Variants in CPNE8 observed in about 807,000 individuals in gnomAD.
CPNE8 encodes copine-8.
A neutral mutation model predicts 81.5 loss-of-function variants in CPNE8; 45 were observed. That is an observed-to-expected ratio of 0.55 (90% confidence interval 0.44 to 0.71). CPNE8 has a LOEUF of 0.71. CPNE8 is among the 30% of genes least tolerant of loss of function. CPNE8 has a pLI of 0.00. For missense variants in CPNE8, 594 were observed against 672.1 expected (o/e 0.88, Z 1.28); for synonymous variants, 252 against 226.3 (o/e 1.11, Z -1.02).
intron 1 of CPNE8, among the ~76,000 whole-genome samples, chr12:38,883,022 A>G (rs1051899246): frequency 2.0e-5 from 3 of 152,174 alleles, no homozygotes; most frequent in Non-Finnish European, 4.4e-5. Context: ...CACACTCAAC[A>G]AGAATCTGTA....
chr12:38,700,865 A>G (rs1484257492), intron 14 of CPNE8, among the ~76,000 whole-genome samples: 1 of 152,184 alleles, frequency 6.6e-6, no homozygotes, highest in Non-Finnish European at 1.5e-5. Flanking sequence ...CTTGCCTGCC[A>G]CCATGTAAGA....
At chr12:38,881,170 A>G (rs1565660563) in intron 1 of CPNE8, among the ~76,000 whole-genome samples, 1 of 150,988 alleles carries the variant, frequency 6.6e-6, no homozygotes, top group Non-Finnish European at 1.5e-5. Flanking sequence ...AGATCGCACC[A>G]CTGCACTCCA....
intron 10 of CPNE8, among the ~76,000 whole-genome samples, chr12:38,744,911 T>C (rs1226528334): frequency 1.3e-5 from 2 of 152,254 alleles, no homozygotes; most frequent in Non-Finnish European, 2.9e-5. Flanking sequence ...ATATAGGTTT[T>C]CATTACTCTC....
intron 19 of CPNE8, among the ~76,000 whole-genome samples, chr12:38,656,922 A>G (rs1217150545): frequency 6.6e-6 from 1 of 152,156 alleles, no homozygotes; most frequent in Non-Finnish European, 1.5e-5. Context: ...AAGATGGCCG[A>G]ATAGGAACAG....
chr12:38,656,691 T>TCCA (rs1158164717), intron 19 of CPNE8, among the ~76,000 whole-genome samples: 1 of 152,188 alleles, frequency 6.6e-6, no homozygotes, highest in Non-Finnish European at 1.5e-5. Flanking sequence ...CATGGCAAAT[T>TCCA]CCACCAAACT....
In CPNE8 at chr12:38,829,472, G is replaced by A; in HGVS notation, c.331-17C>T. ...CAGAAAGTCCTGAAATAGATAAAAA[G>A]ATTAAAGCTCATAAGTTTCCAAACT... On this transcript the variant is annotated splice_polypyrimidine_tract_variant and intron_variant, in intron 5 of 19. Coordinates refer to ENST00000331366, the MANE Select transcript of CPNE8 (RefSeq NM_153634.3). The A allele has an allele frequency of 6.4e-7, 1 of 1,569,994 alleles. No individual in the cohort carries two copies. The highest frequency in any genetic ancestry group is 8.8e-7 in the Non-Finnish European group (1 of 1,140,408).
At position 38,679,098 on chromosome 12, in the gene CPNE8, T is replaced by C. The variant is rs140902271; in HGVS notation, c.1272-1544A>G. 1.2e-3 allele frequency among the ~76,000 whole-genome samples: 190 copies of C among 152,018 alleles called. 4 individuals are homozygous for C. Among genetic ancestry groups the C allele is most frequent in the Admixed American group, 0.012 (182 of 15,258 alleles). Reference sequence around the variant, plus strand: ...TACTATGATTCAGAAAGATAGGGTTTTATATTTCATGAGAATAATGAAAGA... The same window carrying C: ...TACTATGATTCAGAAAGATAGGGTTCTATATTTCATGAGAATAATGAAAGA... On this transcript the variant is annotated intron_variant, in intron 16 of 19. Coordinates refer to ENST00000331366, the MANE Select transcript of CPNE8 (RefSeq NM_153634.3).
At chr12:38,879,854 AC>A (rs1009893283) in intron 1 of CPNE8, among the ~76,000 whole-genome samples, 13 of 152,180 alleles carry the variant, frequency 8.5e-5, no homozygotes, top group Admixed American at 2.0e-4. Flanking sequence ...ATAAAAAAAA[AC>A]ATACAAGATA....
intron 6 of CPNE8, among the ~76,000 whole-genome samples, chr12:38,816,355 G>A (rs900652026): frequency 7.2e-5 from 11 of 152,122 alleles, no homozygotes; most frequent in African/African-American, 2.7e-4. Flanking sequence ...TTCTTTTGAA[G>A]TCTCTTTACA....
intron 15 of CPNE8, among the ~76,000 whole-genome samples, chr12:38,688,472 A>C (rs1939590963): frequency 6.6e-6 from 1 of 152,162 alleles, no homozygotes; most frequent in Non-Finnish European, 1.5e-5. Flanking sequence ...AGAAAGTTGT[A>C]ATGAGTTATA....
At chr12:38,819,640 G>T (rs367659853) in intron 6 of CPNE8, among the ~76,000 whole-genome samples, 1 of 151,664 alleles carries the variant, frequency 6.6e-6, no homozygotes, top group Non-Finnish European at 1.5e-5. Flanking sequence ...GATGGCGGGC[G>T]CCTGTAGTCC....
chr12:38,837,961 A>G (rs1943413239), intron 5 of CPNE8, among the ~76,000 whole-genome samples: 1 of 152,150 alleles, frequency 6.6e-6, no homozygotes, highest in South Asian at 2.1e-4. Context: ...TAGGAGGAGT[A>G]TCTCTTATAT....
chr12:38,895,676 C>A (rs1944379514), intron 1 of CPNE8, among the ~76,000 whole-genome samples: 1 of 152,016 alleles, frequency 6.6e-6, no homozygotes, highest in South Asian at 2.1e-4. Context: ...TGTTTTGCAT[C>A]CTCAGAGAAA....
intron 6 of CPNE8, among the ~76,000 whole-genome samples, chr12:38,817,051 T>C (rs1943036815): frequency 6.6e-6 from 1 of 152,226 alleles, no homozygotes; most frequent in Admixed American, 6.5e-5. Flanking sequence ...ACTAACAGTA[T>C]GTCTAATCTC....
intron 16 of CPNE8, chr12:38,679,591 G>A (rs1592005184): frequency 2.0e-6 from 2 of 984,808 alleles, no homozygotes; most frequent in South Asian, 4.7e-5. Flanking sequence ...TTACTTTTAA[G>A]TTCTGTCCAA....
intron 6 of CPNE8, among the ~76,000 whole-genome samples, chr12:38,780,837 T>C (rs890503945): frequency 5.9e-5 from 9 of 152,046 alleles, no homozygotes; most frequent in Non-Finnish European, 1.2e-4. Flanking sequence ...AATCTTTGCT[T>C]GAGAAGTTTC....
At chr12:38,828,863 A>G (rs115929599) in intron 6 of CPNE8, among the ~76,000 whole-genome samples, 5 of 152,156 alleles carry the variant, frequency 3.3e-5, no homozygotes, top group Non-Finnish European at 7.4e-5. Context: ...TGCAATTGAC[A>G]TGAAAACTAA....
At chr12:38,789,691 AC>A (rs1195834974) in intron 6 of CPNE8, among the ~76,000 whole-genome samples, 4 of 151,854 alleles carry the variant, frequency 2.6e-5, no homozygotes, top group Non-Finnish European at 5.9e-5. Context: ...TTTGCAAACC[AC>A]CCATCTGACA....
intron 3 of CPNE8, among the ~76,000 whole-genome samples, chr12:38,862,488 G>C (rs1042225108): frequency 6.6e-6 from 1 of 152,082 alleles, no homozygotes; most frequent in African/African-American, 2.4e-5. Flanking sequence ...CTGTACGCCC[G>C]ACATAGCTTC....
Sources: allele counts gnomAD v4.1 joint callset (sites outside exome capture counted in the v4.1 genomes callset), GRCh38; gene constraint gnomAD v4.1.1; transcripts MANE v1.5; gene names NCBI Gene and HGNC (gene_info 2026-07-23, HGNC 2026-07-21).